Variants in MAP3K6 observed in about 807,000 individuals in gnomAD.
The protein encoded by MAP3K6 is apoptosis signal-regulating kinase 2.
MAP3K6 carries 105 observed loss-of-function variants against 147.1 expected under a neutral mutation model. The observed-to-expected ratio is 0.71, with a 90% CI of 0.61 to 0.84. The LOEUF (loss-of-function observed/expected upper bound fraction) is 0.84, where lower values mean the gene tolerates loss of function less well. MAP3K6 is among the 40% of genes least tolerant of loss of function. The pLI is 0.00. For synonymous variants in MAP3K6, 695 were observed against 732.4 expected (o/e 0.95, Z 0.82); for missense variants, 1,569 against 1,715.0 (o/e 0.91, Z 1.50).
chr1:27,356,702 C>G lies in MAP3K6; in HGVS notation c.3412G>C (p.Glu1138Gln). 6.2e-7 allele frequency: 1 copy of G among 1,604,724 alleles called. No homozygotes were observed. Among genetic ancestry groups the G allele is most frequent in the Non-Finnish European group, 8.5e-7 (1 of 1,175,204 alleles). Residue 1138 changes from glutamate to glutamine, a missense_variant, in exon 25 of 29, where the codon GAA becomes CAA. By Grantham distance (29) the Glu-to-Gln change is conservative. Transcript: ENST00000357582. The stretch of plus-strand genomic sequence containing the variant: ...CCTGGGCTCTGCTGGGAGTCCCCTT[C>G]ATTACTCAGCTCCTCTGACCTCGGT... ...VSPRSEELSNEGDSQQSPGQQ... is the reference protein window; with the variant it reads ...VSPRSEELSNQGDSQQSPGQQ...
chr1:27,355,397 T>C lies in MAP3K6; in HGVS notation c.3861A>G (p.Gly1287=), dbSNP rs2015482020. 2 of 1,613,908 alleles carry C rather than the reference T, an allele frequency of 1.2e-6. No individual in the cohort carries two copies. Among genetic ancestry groups the C allele is most frequent in the African/African-American group, 1.3e-5 (1 of 74,890 alleles). The part of the protein sequence containing the change: ...QRAGSTPVTS[G]P ...TGATGCCCTCATTCAGCTCTCAGGG[T>C]CCAGAGGTGACTGGTGTGGATCCTG... The change falls in exon 29 of 29, where the codon GGA becomes GGG. Residue 1287 remains glycine, a synonymous_variant. Coordinates refer to ENST00000357582, the MANE Select transcript of MAP3K6 (RefSeq NM_004672.5).
chr1:27,359,970 G>A lies in MAP3K6; in HGVS notation c.2207C>T (p.Ser736Leu). ...GTTGTCCTTCAGGGGTCCCCACACCGACCGCAGCAAGGAGGACAGGCTGCC... is the reference window on the plus strand; with the variant it reads ...GTTGTCCTTCAGGGGTCCCCACACCAACCGCAGCAAGGAGGACAGGCTGCC... ...PGGSLSSLLR[S>L]VWGPLKDNES... The change falls in exon 17 of 29, where the codon TCG becomes TTG. Residue 736 changes from serine to leucine, a missense_variant. Transcript: ENST00000357582. The surrounding 1 kb of genome is among the most constrained non-coding windows in gnomAD (Gnocchi z 4.4). 2 of 1,614,016 alleles carry A rather than the reference G, an allele frequency of 1.2e-6. No individual in the cohort carries two copies. The highest frequency in any genetic ancestry group is 1.7e-6 in the Non-Finnish European group (2 of 1,179,990).
chr1:27,355,914 T>C (rs900095613), intron 27 of MAP3K6, 112 bp downstream of exon 27: 1 of 1,169,674 alleles, frequency 8.5e-7, no homozygotes, highest in Non-Finnish European at 1.3e-6. Context: ...TAAGTGTTCT[T>C]CTGGTAGTGA....
In MAP3K6 at chr1:27,364,323, T is replaced by C. The variant is rs1391300050; in HGVS notation, c.576A>G (p.Ala192=). 6.2e-7 allele frequency: 1 copy of C among 1,613,972 alleles called. No individual in the cohort carries two copies. Among genetic ancestry groups the C allele is most frequent in the African/African-American group, 1.3e-5 (1 of 74,940 alleles). ...TATGRVLCGD[A]GLLRGLADGL... is the part of the protein sequence containing the mutation. ...CATCAGCCAGGCCCCGCAGAAGGCC[T>C]GCATCACCACACAGCACCCGACCAG... is the stretch of plus-strand genomic sequence containing the variant. The change falls in exon 4 of 29, where the codon GCA becomes GCG. Residue 192 remains alanine (A), a synonymous_variant. Coordinates refer to ENST00000357582, the MANE Select transcript of MAP3K6 (RefSeq NM_004672.5). The surrounding 1 kb of genome is among the most constrained non-coding windows in gnomAD (Gnocchi z 4.4).
Position 27,356,110 on chromosome 1 carries a change from GCAGT to G in MAP3K6, c.3638-15_3638-12del. ...CCGTTGAAAGAGCAGCTGTCAAGAAGCAGTCAGGTGATGAGCCCAAGAGTGCCTC... is the reference window on the plus strand; with the variant it reads ...CCGTTGAAAGAGCAGCTGTCAAGAAGCAGGTGATGAGCCCAAGAGTGCCTC... On this transcript the variant is annotated splice_polypyrimidine_tract_variant and intron_variant, in intron 26 of 28. Transcript: ENST00000357582. 2 of 1,613,220 alleles carry G rather than the reference GCAGT, an allele frequency of 1.2e-6. No individual in the cohort carries two copies. The highest frequency in any genetic ancestry group is 1.7e-6 in the Non-Finnish European group (2 of 1,179,202).
chr1:27,356,915 C>G, intron 24 of MAP3K6, 94 bp downstream of exon 24: 1 of 1,440,538 alleles, frequency 6.9e-7, no homozygotes, highest in Non-Finnish European at 9.6e-7. Context: ...CTGCCCCTGT[C>G]CCGCCTGGCC....
chr1:27,358,175 T>C lies in MAP3K6; in HGVS notation c.2915+6A>G, dbSNP rs2015606492. The stretch of plus-strand genomic sequence containing the variant: ...AAGGAACCCATCCCAGGAGCCTTGG[T>C]CTCACCGGAGCTGGCTGGTGCCCCC... On this transcript the variant is annotated splice_donor_region_variant and intron_variant, in intron 21 of 28. Coordinates refer to ENST00000357582, the MANE Select transcript of MAP3K6 (RefSeq NM_004672.5). The surrounding 1 kb of genome is among the most constrained non-coding windows in gnomAD (Gnocchi z 6.2). 6.3e-7 allele frequency: 1 copy of C among 1,575,216 alleles called. No homozygotes were observed. Among genetic ancestry groups the C allele is most frequent in the East Asian group, 2.3e-5 (1 of 44,092 alleles).
chr1:27,363,902 C>T lies in MAP3K6; in HGVS notation c.864+15G>A, dbSNP rs746229474. 1 of 1,560,976 alleles carries T rather than the reference C, an allele frequency of 6.4e-7. No individual in the cohort carries two copies. The highest frequency in any genetic ancestry group is 1.2e-5 in the South Asian group (1 of 86,832). On this transcript the variant is annotated intron_variant, in intron 5 of 28. Coordinates refer to ENST00000357582, the MANE Select transcript of MAP3K6 (RefSeq NM_004672.5). The stretch of plus-strand genomic sequence containing the variant: ...AAATGCCAGCTGCCCTACTGCCTCT[C>T]TGAACACCACGCACCTGCACATCGC...
At position 27,355,224 on chromosome 1, in the gene MAP3K6, T is replaced by C; in HGVS notation, c.*167A>G. 1 of 729,194 alleles carries C rather than the reference T, an allele frequency of 1.4e-6. No homozygotes were observed. The highest frequency in any genetic ancestry group is 2.5e-6 in the Non-Finnish European group (1 of 394,862). The allele number at this position is 729,194 out of a possible 1,614,324, so 45.2% of individuals were successfully genotyped here. A position where few individuals can be genotyped will look rare whatever the true frequency, so the allele number is the denominator to read the frequency against. ...TTTAATACGCTTTGTCTGGTAGTGC[T>C]TGGGTGCCTGTGGTTGGTTTCTCTC... On this transcript the variant is annotated 3_prime_UTR_variant, in exon 29 of 29. Coordinates refer to ENST00000357582, the MANE Select transcript of MAP3K6 (RefSeq NM_004672.5).
Position 27,362,959 on chromosome 1 carries a change from T to C in MAP3K6, c.1034A>G (p.Glu345Gly), listed in dbSNP as rs2015836517. ...LSVLLPLVQL[E>G]GSVAPDLYCM... ...GTACAGATCGGGCGCCACAGAGCCC[T>C]CAAGCTGTACCAGCGGCAGCAGCAC... Residue 345 changes from glutamate to glycine, a missense_variant, in exon 7 of 29, where the codon GAG becomes GGG. Transcript: ENST00000357582. 2.5e-6 allele frequency: 4 copies of C among 1,613,918 alleles called. No homozygotes were observed. The highest frequency in any genetic ancestry group is 2.5e-6 in the Non-Finnish European group (3 of 1,179,990).
At chr1:27,361,315 C>T in intron 12 of MAP3K6, 31 bp downstream of exon 12, 1 of 1,613,950 alleles carries the variant, frequency 6.2e-7, no homozygotes, top group Non-Finnish European at 8.5e-7. Context: ...CACCTCCCGT[C>T]TTTCCAGTCA....
chr1:27,355,966 G>C (rs1274646121), intron 27 of MAP3K6, 60 bp downstream of exon 27: 1 of 1,489,004 alleles, frequency 6.7e-7, no homozygotes, highest in Non-Finnish European at 9.4e-7. Flanking sequence ...GCAGGAAGAT[G>C]GACAGAGATG....
In MAP3K6 at chr1:27,364,685, C is replaced by T; in HGVS notation, c.481-1G>A. 6.2e-7 allele frequency: 1 copy of T among 1,614,158 alleles called. No homozygotes were observed. The highest frequency in any genetic ancestry group is 8.5e-7 in the Non-Finnish European group (1 of 1,180,014). ...CCGAGTTCTTCTGGAAAACATCCTC[C>T]TGCAGGAGGCAGACAGTCAGATACT... On this transcript the variant is annotated splice_acceptor_variant, in intron 2 of 28. Transcript: ENST00000357582. LOFTEE classifies it high-confidence loss of function. This position sits in a 1 kb window ranked among gnomAD's most constrained non-coding sequence, Gnocchi z 4.4.
chr1:27,361,018 G>T lies in MAP3K6; in HGVS notation c.1833-10C>A. 1 of 1,577,748 alleles carries T rather than the reference G, an allele frequency of 6.3e-7. No individual in the cohort carries two copies. ...GATCAGGCCGCAGAACCTGAAGGTG[G>T]GGGAGGTCAGACCCGCGGGAGGGGC... On this transcript the variant is annotated splice_polypyrimidine_tract_variant and intron_variant, in intron 13 of 28. Coordinates refer to ENST00000357582, the MANE Select transcript of MAP3K6 (RefSeq NM_004672.5).
At position 27,358,919 on chromosome 1, in the gene MAP3K6, G is replaced by A; in HGVS notation, c.2426-53C>T. 5 of 1,514,750 alleles carry A rather than the reference G, an allele frequency of 3.3e-6. No homozygotes were observed. The South Asian group carries it at 5.3e-5, about 16-fold the overall frequency. 93.8% of individuals were successfully genotyped at this position (1,514,750 alleles called of 1,614,324 possible). On this transcript the variant is annotated intron_variant, in intron 18 of 28. Transcript: ENST00000357582. The surrounding 1 kb of genome is among the most constrained non-coding windows in gnomAD (Gnocchi z 6.2). Reference sequence around the variant, plus strand: ...CCATCTAGGCTTCATCATGGGGTTGGAGCAGGGAGGGGAATGCCGTCATCC... The same window carrying A: ...CCATCTAGGCTTCATCATGGGGTTGAAGCAGGGAGGGGAATGCCGTCATCC...
chr1:27,358,848 GC>G lies in MAP3K6; in HGVS notation c.2443del (p.Ala815ProfsTer177). The G allele has an allele frequency of 4.4e-6, 7 of 1,588,650 alleles. No individual in the cohort carries two copies. The highest frequency in any genetic ancestry group is 1.2e-5 in the South Asian group (1 of 86,508). On this transcript the variant is annotated frameshift_variant, in exon 19 of 29. Coordinates refer to ENST00000357582, the MANE Select transcript of MAP3K6 (RefSeq NM_004672.5). LOFTEE classifies it high-confidence loss of function. This position sits in a 1 kb window ranked among gnomAD's most constrained non-coding sequence, Gnocchi z 6.2. ...ETFTGTLQYM[A>X]PEIIDQGPRG... The stretch of plus-strand genomic sequence containing the variant: ...TGGGCCCTGGTCAATGATTTCTGGG[GC>G]CATATACTGCAGAGTTCCTAGGACA...
At position 27,366,259 on chromosome 1, in the gene MAP3K6, C is replaced by T; in HGVS notation, c.339G>A (p.Ala113=). ...DTAALDAFYN[A]DVVVLEVSSS... is the part of the protein sequence containing the mutation. ...CGGCCCCGCCCCCAGCGCTCTCACC[C>T]GCGTTGTAGAAGGCATCCAGAGCCG... The change falls in exon 1 of 29, where the codon GCG becomes GCA. Residue 113 remains alanine (A), a splice_region_variant and synonymous_variant. Transcript: ENST00000357582. The surrounding 1 kb of genome is among the most constrained non-coding windows in gnomAD (Gnocchi z 5.5). 3.8e-6 allele frequency: 5 copies of T among 1,327,604 alleles called. No individual in the cohort carries two copies. Among genetic ancestry groups the T allele is most frequent in the Admixed American group, 3.8e-5 (1 of 26,576 alleles). The allele number at this position is 1,327,604 out of a possible 1,614,324, so 82.2% of individuals were successfully genotyped here.
chr1:27,355,917 G>A (rs1271861767), intron 27 of MAP3K6, 109 bp downstream of exon 27: 2 of 1,176,228 alleles, frequency 1.7e-6, no homozygotes, highest in African/African-American at 1.5e-5. Flanking sequence ...GTGTTCTTCT[G>A]GTAGTGAGAT....
intron 24 of MAP3K6, 29 bp downstream of exon 24, chr1:27,356,980 G>T: frequency 6.2e-7 from 1 of 1,601,046 alleles, no homozygotes; most frequent in Non-Finnish European, 8.6e-7. Flanking sequence ...ACCCTCGCTG[G>T]CAGGAGGCCC....
Sources: gnomAD v4.1 joint callset for allele counts on GRCh38, gnomAD v4.1.1 for gene constraint, Gnocchi (gnomAD v3.1) non-coding constraint, MANE v1.5 for transcripts, NCBI Gene and HGNC (gene_info 2026-07-23, HGNC 2026-07-21) for gene names.